The following PSD3 variants were observed in gnomAD, a reference collection of about 807,000 sequenced individuals.
The protein encoded by PSD3 is PH and SEC7 domain-containing protein 3.
In PSD3, 49 loss-of-function variants were observed where a neutral mutation model predicts 105.5. The observed-to-expected ratio is 0.46, with a 90% CI of 0.37 to 0.59. The LOEUF (loss-of-function observed/expected upper bound fraction) is 0.59. Ranked by LOEUF, PSD3 falls within the 20% of genes least tolerant of loss-of-function variation. The probability of loss-of-function intolerance (pLI) is 0.00; values close to 1 mark genes in which losing one functional copy is unlikely to be tolerated. For missense variants in PSD3, 1,561 were observed against 1,263.8 expected (o/e 1.24, Z -3.57); for synonymous variants, 557 against 457.8 (o/e 1.22, Z -2.77).
At chr8:18,892,079 C>T (rs1282149277) in intron 2 of PSD3, among the ~76,000 whole-genome samples, 2 of 151,886 alleles carry the variant, frequency 1.3e-5, no homozygotes, top group African/African-American at 4.8e-5. Flanking sequence ...CCGAAGAGAA[C>T]AAAGTCACTC....
chr8:18,664,537 A>T (rs1809577271), intron 9 of PSD3, among the ~76,000 whole-genome samples: 1 of 152,248 alleles, frequency 6.6e-6, no homozygotes, highest in African/African-American at 2.4e-5. Context: ...GGAAAGAAGC[A>T]GACCCTGTAA....
chr8:18,696,041 G>A (rs1209720260), intron 9 of PSD3, among the ~76,000 whole-genome samples: 2 of 152,162 alleles, frequency 1.3e-5, no homozygotes, highest in South Asian at 2.1e-4. Context: ...GGCAGCTGTC[G>A]CTGAGAATTG....
chr8:18,689,591 T>C (rs1054104464), intron 9 of PSD3, among the ~76,000 whole-genome samples: 2 of 152,182 alleles, frequency 1.3e-5, no homozygotes, highest in Admixed American at 6.5e-5. Context: ...CAGAACAGAA[T>C]GGCGGTTGTA....
At chr8:18,600,621 A>T (rs1804367109) in intron 11 of PSD3, among the ~76,000 whole-genome samples, 187 bp from the exon 12 acceptor site, 1 of 152,136 alleles carries the variant, frequency 6.6e-6, no homozygotes, top group African/African-American at 2.4e-5. Context: ...TCCATATACG[A>T]TCTTAATATT....
intron 4 of PSD3, among the ~76,000 whole-genome samples, chr8:18,847,404 A>C (rs2129451855): frequency 6.6e-6 from 1 of 152,266 alleles, no homozygotes; most frequent in East Asian, 1.9e-4. Context: ...ACCAGCCAAA[A>C]GCACTCTCTC....
intron 4 of PSD3, among the ~76,000 whole-genome samples, chr8:18,834,225 A>T (rs184334122): frequency 5.6e-4 from 85 of 152,332 alleles, no homozygotes; most frequent in Non-Finnish European, 1.0e-3. Context: ...AGGTATTTCT[A>T]ACCTAGAAAC....
rs188592862 is a variant in PSD3 at position 18,758,852 on chromosome 8, C to A, written c.2172+6597G>T. Among the ~76,000 whole-genome samples, 582 of 152,212 alleles carry A rather than the reference C, an allele frequency of 3.8e-3. 5 individuals are homozygous for A. Among genetic ancestry groups the A allele is most frequent in the African/African-American group, 0.014 (562 of 41,542 alleles). On this transcript the variant is annotated intron_variant, in intron 9 of 15. Coordinates refer to ENST00000327040, the MANE Select transcript of PSD3 (RefSeq NM_015310.4). ...TTAAAAACGGGATGGAGGTATCCTA[C>A]ATATTCTTGGAACTGTCTCCTAAGA...
At chr8:19,082,865 A>G (rs1829686659) in intron 1 of PSD3, among the ~76,000 whole-genome samples, 2 of 152,336 alleles carry the variant, frequency 1.3e-5, no homozygotes, top group African/African-American at 2.4e-5. Flanking sequence ...AATGTGAACT[A>G]TTTCTTAAGG....
At chr8:18,937,566 G>A (rs1054453719) in intron 1 of PSD3, among the ~76,000 whole-genome samples, 1 of 152,164 alleles carries the variant, frequency 6.6e-6, no homozygotes, top group Non-Finnish European at 1.5e-5. Flanking sequence ...CCAAGAGCTA[G>A]CGTGCACAAC....
At chr8:18,594,447 T>G (rs1485418025) in intron 12 of PSD3, among the ~76,000 whole-genome samples, 1 of 123,086 alleles carries the variant, frequency 8.1e-6, no homozygotes, top group Non-Finnish European at 1.6e-5. Flanking sequence ...ATTATATTAT[T>G]TATATATTAT....
At chr8:18,536,921 T>C (rs1326077035) in intron 15 of PSD3, among the ~76,000 whole-genome samples, 1 of 152,218 alleles carries the variant, frequency 6.6e-6, no homozygotes, top group Non-Finnish European at 1.5e-5. Flanking sequence ...AAGTGTTTTA[T>C]TTCTAAACCA....
Position 18,533,727 on chromosome 8 carries a change from C to A in PSD3, c.*2016G>T, listed in dbSNP as rs546469872. 6.6e-6 allele frequency: 1 copy of A among 152,182 alleles called. No homozygotes were observed. The highest frequency in any genetic ancestry group is 1.9e-4 in the East Asian group (1 of 5,172). 9.4% of individuals were successfully genotyped at this position (152,182 alleles called of 1,614,324 possible). On this transcript the variant is annotated 3_prime_UTR_variant, in exon 16 of 16. Coordinates refer to ENST00000327040, the MANE Select transcript of PSD3 (RefSeq NM_015310.4). ...TTAGTATAAACATTTAGGCAGAAAA[C>A]AAATATCCTGATAATTTAGATTATC...
At chr8:19,019,038 G>T (rs1281456143) in intron 1 of PSD3, among the ~76,000 whole-genome samples, 1 of 152,136 alleles carries the variant, frequency 6.6e-6, no homozygotes, top group African/African-American at 2.4e-5. Context: ...CTTATGATCT[G>T]CCCACCTCGG....
chr8:19,014,010 C>G (rs71502570), upstream of PSD3: 58,552 of 152,882 alleles, frequency 0.38, 12,579 homozygotes, highest in Middle Eastern at 0.6. This position sits in a 1 kb window ranked among gnomAD's most constrained non-coding sequence, Gnocchi z 4.9. Context: ...CGCTGCCTCC[C>G]GCAGCCGCGC....
chr8:18,684,045 G>A, intron 9 of PSD3: 1 of 645,100 alleles, frequency 1.6e-6, no homozygotes, highest in Non-Finnish European at 2.8e-6. Flanking sequence ...CAGCTCCTGA[G>A]CGCCGTGATC....
At chr8:18,919,781 A>G (rs1243713408) in intron 2 of PSD3, among the ~76,000 whole-genome samples, 3 of 146,216 alleles carry the variant, frequency 2.1e-5, no homozygotes, top group African/African-American at 7.6e-5. Flanking sequence ...ATTCTCACTC[A>G]TAGATGGGAA....
rs577935000 is a variant in PSD3 at position 18,785,399 on chromosome 8, T to C, written c.2082+13896A>G. Among the ~76,000 whole-genome samples, 6 of 152,306 alleles carry C rather than the reference T, an allele frequency of 3.9e-5. No individual in the cohort carries two copies. In the East Asian group the frequency reaches 7.7e-4, roughly 20 times the overall value. ...TAAAACTTCATGAACCAAGTTCTCC[T>C]AGCTTCCAACTTTTCTTCTGCAGCT... is the stretch of plus-strand genomic sequence containing the variant. On this transcript the variant is annotated intron_variant, in intron 8 of 15. Transcript: ENST00000327040.
intron 1 of PSD3, among the ~76,000 whole-genome samples, chr8:19,035,507 G>T (rs941585868): frequency 1.6e-5 from 2 of 126,598 alleles, no homozygotes; most frequent in Non-Finnish European, 3.8e-5. Flanking sequence ...TTAGGAAAAG[G>T]ATTTGTTAAA....
chr8:18,924,959 A>G (rs1035573191), intron 2 of PSD3, among the ~76,000 whole-genome samples: 18 of 152,204 alleles, frequency 1.2e-4, no homozygotes, highest in Admixed American at 1.1e-3. Flanking sequence ...GCAACAAAAT[A>G]AGAGATATAG....
Sources: gnomAD v4.1 joint callset for allele counts (sites outside exome capture counted in the v4.1 genomes callset) on GRCh38, gnomAD v4.1.1 for gene constraint, Gnocchi (gnomAD v3.1) non-coding constraint, MANE v1.5 for transcripts, NCBI Gene and HGNC (gene_info 2026-07-23, HGNC 2026-07-21) for gene names.